The following PARVA variants were observed in gnomAD, a reference collection of about 807,000 sequenced individuals.
The protein encoded by PARVA is alpha-parvin.
In PARVA, 25 loss-of-function variants were observed where a neutral mutation model predicts 52.6. That is an observed-to-expected ratio of 0.48 (90% CI 0.35 to 0.66). PARVA has a LOEUF of 0.66. Among genes scored for constraint, PARVA ranks in the 30% least tolerant of loss-of-function variants. The pLI is 0.01. For missense variants in PARVA, 373 were observed against 450.9 expected (o/e 0.83, Z 1.56); for synonymous variants, 185 against 179.1 (o/e 1.03, Z -0.26).
intron 1 of PARVA, among the ~76,000 whole-genome samples, chr11:12,391,098 A>C (rs1211234587): frequency 1.3e-5 from 2 of 152,156 alleles, no homozygotes; most frequent in African/African-American, 4.8e-5. Context: ...CAAGGCTCTC[A>C]TGATGACTAT....
intron 1 of PARVA, among the ~76,000 whole-genome samples, chr11:12,404,381 G>A (rs905057703): frequency 6.6e-6 from 1 of 152,114 alleles, no homozygotes; most frequent in Non-Finnish European, 1.5e-5. Context: ...GCAAAGGAGA[G>A]CATGAGGGCC....
At position 12,477,846 on chromosome 11, in the gene PARVA, G is replaced by C; in HGVS notation, c.298-1G>C. The C allele has an allele frequency of 6.7e-7, 1 of 1,493,710 alleles. No individual in the cohort carries two copies. The highest frequency in any genetic ancestry group is 9.3e-7 in the Non-Finnish European group (1 of 1,070,308). The allele number at this position is 1,493,710 out of a possible 1,614,324, so 92.5% of individuals were successfully genotyped here. On this transcript the variant is annotated splice_acceptor_variant, in intron 3 of 12. Transcript: ENST00000334956. LOFTEE classifies it high-confidence loss of function. ...CACATTCCCTTTCTCTCTCTCTGTA[G>C]GTATTAATTGACTGGATTAATGATG...
Position 12,446,272 on chromosome 11 carries a change from G to A in PARVA, c.137-27473G>A, listed in dbSNP as rs185795646. ...TCACACAGCTGTACACAAATCCTAGGGAGGTAAGTTAATAAATTCAAGTTA... is the reference window on the plus strand; with the variant it reads ...TCACACAGCTGTACACAAATCCTAGAGAGGTAAGTTAATAAATTCAAGTTA... On this transcript the variant is annotated intron_variant, in intron 1 of 12. Transcript: ENST00000334956. Among the ~76,000 whole-genome samples, 384 of 152,206 alleles carry A rather than the reference G, an allele frequency of 2.5e-3. 3 individuals carry two copies. Among genetic ancestry groups the A allele is most frequent in the Non-Finnish European group, 4.0e-3 (274 of 68,002 alleles).
At chr11:12,504,498 T>A (rs1042749367) in intron 6 of PARVA, 69 bp downstream of exon 6, 33 of 894,676 alleles carry the variant, frequency 3.7e-5, no homozygotes, top group Non-Finnish European at 5.6e-5. Context: ...CTATGGTGCG[T>A]CGAGTAGGTC....
intron 8 of PARVA, 25 bp from the exon 9 acceptor site, chr11:12,513,274 C>T: frequency 1.9e-6 from 3 of 1,611,452 alleles, no homozygotes; most frequent in Non-Finnish European, 2.5e-6. Flanking sequence ...TCTTGTGCTC[C>T]ACATTGTGTT....
At chr11:12,498,136 C>T (rs552125309) in intron 5 of PARVA, among the ~76,000 whole-genome samples, 1 of 152,220 alleles carries the variant, frequency 6.6e-6, no homozygotes, top group African/African-American at 2.4e-5. Context: ...CAGGTTCAAG[C>T]GATTCTCATG....
intron 1 of PARVA, among the ~76,000 whole-genome samples, chr11:12,408,985 C>A (rs1220631133): frequency 1.3e-5 from 2 of 152,068 alleles, no homozygotes; most frequent in African/African-American, 2.4e-5. Context: ...CAAAAGGAGG[C>A]CCCCATGGCT....
At chr11:12,509,329 TA>T (rs772079901) in intron 7 of PARVA, among the ~76,000 whole-genome samples, 4 of 152,194 alleles carry the variant, frequency 2.6e-5, no homozygotes, top group South Asian at 2.1e-4. Context: ...CAGAGGCTGC[TA>T]AGCCAACCCA....
At chr11:12,516,161 G>GC (rs1486156819) in intron 10 of PARVA, among the ~76,000 whole-genome samples, 1 of 152,222 alleles carries the variant, frequency 6.6e-6, no homozygotes. Flanking sequence ...TAAGGCAAGC[G>GC]CAAGCTCAGG....
chr11:12,469,630 C>T (rs1940904697), intron 1 of PARVA, among the ~76,000 whole-genome samples: 1 of 152,196 alleles, frequency 6.6e-6, no homozygotes, highest in African/African-American at 2.4e-5. Context: ...GGGCAAGGGC[C>T]AGGCCTGCAC....
chr11:12,400,772 A>G (rs2134964398), intron 1 of PARVA, among the ~76,000 whole-genome samples: 1 of 152,226 alleles, frequency 6.6e-6, no homozygotes, highest in African/African-American at 2.4e-5. Context: ...TTTCTGACAT[A>G]TTTTTGTTAA....
At chr11:12,423,785 G>T (rs187022237) in intron 1 of PARVA, among the ~76,000 whole-genome samples, 1 of 152,276 alleles carries the variant, frequency 6.6e-6, no homozygotes, top group Admixed American at 6.5e-5. Context: ...ACTTATAAGT[G>T]CTTGAATCCA....
intron 1 of PARVA, among the ~76,000 whole-genome samples, chr11:12,450,154 CA>C (rs1185842870): frequency 6.6e-6 from 1 of 152,188 alleles, no homozygotes; most frequent in African/African-American, 2.4e-5. Context: ...CATCTGGTAA[CA>C]GCTGAAGCTA....
chr11:12,430,288 C>G (rs1196355783), intron 1 of PARVA, among the ~76,000 whole-genome samples: 1 of 152,156 alleles, frequency 6.6e-6, no homozygotes. Context: ...TATTACCTTT[C>G]TCAGTATAAT....
chr11:12,526,547 C>T (rs147276662), intron 12 of PARVA, among the ~76,000 whole-genome samples: 3 of 152,176 alleles, frequency 2.0e-5, no homozygotes, highest in Non-Finnish European at 2.9e-5. Context: ...TTTTACCAAG[C>T]GAGCCAGCAC....
intron 1 of PARVA, among the ~76,000 whole-genome samples, chr11:12,442,785 A>G (rs1011440226): frequency 6.6e-6 from 1 of 152,112 alleles, no homozygotes. Context: ...AATAAATGAC[A>G]TAAGGGCAGT....
chr11:12,450,739 G>C lies in PARVA; in HGVS notation c.137-23006G>C, dbSNP rs959672086. ...CCTGAGAGCCCCTGGCAAACCACTC[G>C]TGGAAGTCCAAGAGTCCAAAAACTG... On this transcript the variant is annotated intron_variant, in intron 1 of 12. Transcript: ENST00000334956. Among the ~76,000 whole-genome samples, 2 of 152,174 alleles carry C rather than the reference G, an allele frequency of 1.3e-5. 1 individual carries two copies. The highest frequency in any genetic ancestry group is 4.1e-4 in the South Asian group (2 of 4,830).
At chr11:12,464,658 C>T (rs1334795044) in intron 1 of PARVA, among the ~76,000 whole-genome samples, 3 of 152,168 alleles carry the variant, frequency 2.0e-5, no homozygotes, top group Non-Finnish European at 1.5e-5. Context: ...TCCTTGGGTC[C>T]TCTAACCTTC....
intron 1 of PARVA, among the ~76,000 whole-genome samples, chr11:12,427,562 G>A (rs1940255410): frequency 6.6e-6 from 1 of 152,148 alleles, no homozygotes; most frequent in Non-Finnish European, 1.5e-5. Context: ...AAGCAAGTGT[G>A]GGCTTAATCT....
Sources: gnomAD v4.1 joint callset for allele counts (sites outside exome capture counted in the v4.1 genomes callset) on GRCh38, gnomAD v4.1.1 for gene constraint, MANE v1.5 for transcripts, NCBI Gene and HGNC (gene_info 2026-07-23, HGNC 2026-07-21) for gene names.